NXPE2: variants seen among roughly 807,000 people sequenced by gnomAD.
NXPE2 encodes the protein NXPE family member 2.
A neutral mutation model predicts 34.4 loss-of-function variants in NXPE2; 34 were observed. That is an observed-to-expected ratio of 0.99 (90% CI 0.75 to 1.31). NXPE2 has a LOEUF of 1.31. Among genes scored for constraint, NXPE2 ranks in the 40% most tolerant of loss-of-function variants. The probability of loss-of-function intolerance (pLI) is 0.00; values close to 1 mark genes in which losing one functional copy is unlikely to be tolerated. For synonymous variants in NXPE2, 235 were observed against 231.3 expected (o/e 1.02, Z -0.15); for missense variants, 649 against 672.5 (o/e 0.97, Z 0.39).
the NXPE2 span, among the ~76,000 whole-genome samples, chr11:114,491,781 T>C: frequency 6.6e-6 from 1 of 152,118 alleles, no homozygotes; most frequent in Admixed American, 6.5e-5. Flanking sequence ...AATGATAGAC[T>C]GGATTAAGAA....
the NXPE2 span, among the ~76,000 whole-genome samples, chr11:114,766,413 C>T: frequency 1.3e-5 from 2 of 152,270 alleles, no homozygotes; most frequent in African/African-American, 2.4e-5. Flanking sequence ...ACTGACTCTA[C>T]ATCTACAGCC....
chr11:114,466,573 C>T, the NXPE2 span, among the ~76,000 whole-genome samples: 2 of 151,450 alleles, frequency 1.3e-5, no homozygotes, highest in African/African-American at 4.9e-5. Flanking sequence ...TATATATTGT[C>T]CAATTTTCAT....
the NXPE2 span, among the ~76,000 whole-genome samples, chr11:114,575,712 A>C: frequency 3.9e-5 from 6 of 152,214 alleles, no homozygotes; most frequent in Non-Finnish European, 7.3e-5. Context: ...GACATGAATA[A>C]ATGGAAACAC....
At chr11:114,700,085 C>G (rs184165290) in intron 3 of NXPE2, among the ~76,000 whole-genome samples, 4 of 152,302 alleles carry the variant, frequency 2.6e-5, no homozygotes, top group Non-Finnish European at 5.9e-5. Flanking sequence ...TGAGCCATCA[C>G]GCCCAGCCCA....
the NXPE2 span, among the ~76,000 whole-genome samples, chr11:114,615,841 A>ACCACTGT: frequency 2.6e-5 from 4 of 151,758 alleles, no homozygotes; most frequent in African/African-American, 9.7e-5. Flanking sequence ...CCTGTGGATA[A>ACCACTGT]TAAGAGATGC....
chr11:114,619,836 G>A, the NXPE2 span, among the ~76,000 whole-genome samples: 16 of 151,292 alleles, frequency 1.1e-4, no homozygotes, highest in South Asian at 2.1e-4. Flanking sequence ...GTGTTGCCTC[G>A]TTGGTAACCA....
chr11:114,601,271 A>C, the NXPE2 span, among the ~76,000 whole-genome samples: 10 of 150,046 alleles, frequency 6.7e-5, no homozygotes, highest in African/African-American at 2.5e-4. Flanking sequence ...AGTCTTCAAA[A>C]TCCATTATAC....
the NXPE2 span, among the ~76,000 whole-genome samples, chr11:114,733,261 T>A: frequency 6.6e-6 from 1 of 152,098 alleles, no homozygotes; most frequent in Non-Finnish European, 1.5e-5. Context: ...GCCCGGCTAA[T>A]TTTTTGTATT....
chr11:114,671,454 T>G, the NXPE2 span, among the ~76,000 whole-genome samples: 1 of 151,924 alleles, frequency 6.6e-6, no homozygotes, highest in Non-Finnish European at 1.5e-5. Flanking sequence ...AAAGTACAAG[T>G]ACAATAGTGT....
the NXPE2 span, among the ~76,000 whole-genome samples, chr11:114,567,093 A>T: frequency 2.1e-4 from 32 of 152,270 alleles, no homozygotes; most frequent in African/African-American, 7.7e-4. Flanking sequence ...TGTTTTTGGT[A>T]TGGGGACATC....
the NXPE2 span, among the ~76,000 whole-genome samples, chr11:114,643,696 C>T: frequency 6.6e-6 from 1 of 152,030 alleles, no homozygotes; most frequent in Non-Finnish European, 1.5e-5. Context: ...TAGCATGATG[C>T]CTCCACCTTT....
chr11:114,807,146 G>C, the NXPE2 span, among the ~76,000 whole-genome samples: 4,466 of 149,746 alleles, frequency 0.03, 129 homozygotes, highest in East Asian at 0.16. Context: ...AATGCTGAGA[G>C]ATTTTGTCAC....
At chr11:114,469,520 C>T in the NXPE2 span, among the ~76,000 whole-genome samples, 96 of 151,544 alleles carry the variant, frequency 6.3e-4, 2 homozygotes, top group African/African-American at 2.2e-3. Context: ...GACGGAGTCT[C>T]GCACTCTCGC....
At chr11:114,588,967 T>C in the NXPE2 span, among the ~76,000 whole-genome samples, 2 of 152,058 alleles carry the variant, frequency 1.3e-5, no homozygotes, top group African/African-American at 2.4e-5. Flanking sequence ...CTTAGTCTTT[T>C]ATAGTAGGGA....
chr11:114,520,105 A>G, the NXPE2 span, among the ~76,000 whole-genome samples: 5 of 152,088 alleles, frequency 3.3e-5, no homozygotes, highest in Non-Finnish European at 7.4e-5. Context: ...CCTGGCCACA[A>G]TTACCTTTTT....
At chr11:114,770,486 G>T in the NXPE2 span, among the ~76,000 whole-genome samples, 2 of 152,246 alleles carry the variant, frequency 1.3e-5, no homozygotes, top group Admixed American at 6.5e-5. Flanking sequence ...AAGCATCACT[G>T]TTGGGTACTG....
chr11:114,753,213 G>A, the NXPE2 span, among the ~76,000 whole-genome samples: 1 of 151,980 alleles, frequency 6.6e-6, no homozygotes, highest in Admixed American at 6.6e-5. Flanking sequence ...GCAACATGGT[G>A]AAACTCCATC....
chr11:114,600,354 C>G, the NXPE2 span, among the ~76,000 whole-genome samples: 1 of 151,878 alleles, frequency 6.6e-6, no homozygotes, highest in Admixed American at 6.6e-5. Flanking sequence ...CAAATTGAAA[C>G]AAAAATAGTT....
the NXPE2 span, among the ~76,000 whole-genome samples, chr11:114,539,638 G>T: frequency 6.6e-6 from 1 of 152,026 alleles, no homozygotes; most frequent in East Asian, 1.9e-4. Context: ...CTTAAGATGG[G>T]AGATGGAATC....
Sources: gnomAD v4.1 joint callset for allele counts (sites outside exome capture counted in the v4.1 genomes callset) on GRCh38, gnomAD v4.1.1 for gene constraint, MANE v1.5 for transcripts, NCBI Gene and HGNC (gene_info 2026-07-23, HGNC 2026-07-21) for gene names.